Variants in FAM149A observed in about 807,000 individuals in gnomAD.
FAM149A encodes the protein family with sequence similarity 149 member A.
A neutral mutation model predicts 78.2 loss-of-function variants in FAM149A; 71 were observed. The observed-to-expected ratio is 0.91, with a 90% CI of 0.75 to 1.11. The LOEUF is 1.11. Among genes scored for constraint, FAM149A ranks in the 50% least tolerant of loss-of-function variants. FAM149A has a pLI of 0.00. For synonymous variants in FAM149A, 446 were observed against 410.5 expected (o/e 1.09, Z -1.04); for missense variants, 1,036 against 971.0 (o/e 1.07, Z -0.89).
chr4:186,167,309 T>G (rs1735128900), intron 13 of FAM149A, 47 bp downstream of exon 13: 4 of 1,505,174 alleles, frequency 2.7e-6, no homozygotes, highest in Non-Finnish European at 3.7e-6. Context: ...TAAGTGAGAT[T>G]TCAAGTTTCA....
At chr4:186,143,110 A>G (rs529880667) in intron 1 of FAM149A, among the ~76,000 whole-genome samples, 208 of 150,318 alleles carry the variant, frequency 1.4e-3, no homozygotes, top group Middle Eastern at 3.5e-3. Context: ...AGCAGCTAGC[A>G]TATGTTTGGA....
intron 1 of FAM149A, among the ~76,000 whole-genome samples, chr4:186,106,286 C>A (rs745592316): frequency 3.9e-5 from 6 of 152,100 alleles, no homozygotes; most frequent in African/African-American, 1.4e-4. Context: ...CACTGGGAAT[C>A]GGAGGCCGAT....
intron 1 of FAM149A, among the ~76,000 whole-genome samples, chr4:186,148,197 G>C (rs1000536238): frequency 1.3e-5 from 2 of 152,078 alleles, no homozygotes; most frequent in East Asian, 3.9e-4. Flanking sequence ...CGTGGTGGCA[G>C]GCGCCTGTAA....
intron 1 of FAM149A, among the ~76,000 whole-genome samples, chr4:186,145,445 C>CA (rs1417696640): frequency 3.3e-5 from 5 of 152,158 alleles, no homozygotes; most frequent in African/African-American, 1.2e-4. Context: ...GTTCAGAGTA[C>CA]AGTGCTTATG....
At chr4:186,140,567 A>G (rs4861701) in intron 1 of FAM149A, among the ~76,000 whole-genome samples, 136,389 of 151,690 alleles carry the variant, frequency 0.9, 61,505 homozygotes, top group African/African-American at 0.98. Context: ...CACTGTGCCC[A>G]GCCTATACCA....
At chr4:186,136,976 T>TCTCTCTTTCTCTCTTTCTCTCTC (rs2099323291) in intron 1 of FAM149A, among the ~76,000 whole-genome samples, 2 of 72,114 alleles carry the variant, frequency 2.8e-5, no homozygotes, top group African/African-American at 1.2e-4. Context: ...CTCTCTCTCT[T>TCTCTCTTTCTCTCTTTCTCTCTC]TCTCTCTCTC....
At chr4:186,132,018 A>C (rs2099320941) in intron 1 of FAM149A, 1 of 985,232 alleles carries the variant, frequency 1.0e-6, no homozygotes, top group African/African-American at 1.7e-5. Flanking sequence ...TAGCTTTCTT[A>C]TTATCTCCAT....
rs1732874779 is a variant in FAM149A, at chr4:186,144,841, G to A, written c.567-4332G>A. 1 of 982,332 alleles carries A rather than the reference G, an allele frequency of 1.0e-6. No homozygotes were observed. Among genetic ancestry groups the A allele is most frequent in the Non-Finnish European group, 1.2e-6 (1 of 828,690 alleles). 60.9% of individuals were successfully genotyped at this position (982,332 alleles called of 1,614,324 possible). On this transcript the variant is annotated intron_variant, in intron 1 of 13. Transcript: ENST00000389354. The surrounding 1 kb of genome is among the most constrained non-coding windows in gnomAD (Gnocchi z 4.2). ...GGGAGGCGGCGCCGGCGCGGGCGGG[G>A]CGGAGGATCTGGAGAGGGAAGGGGC...
In FAM149A at chr4:186,105,556, CG is replaced by C. The variant is rs1333219047; in HGVS notation, c.484del (p.Ala162LeufsTer42). On this transcript the variant is annotated frameshift_variant, in exon 1 of 14. Transcript: ENST00000389354. LOFTEE classifies it high-confidence loss of function. ...GAGAGCTCGGCGCCTGCGTGGCCCC[CG>C]GGGCTGGCCCCAGAACCCTGTTCCT... 1 of 1,130,998 alleles carries C rather than the reference CG, an allele frequency of 8.8e-7. No individual in the cohort carries two copies. The highest frequency in any genetic ancestry group is 1.1e-6 in the Non-Finnish European group (1 of 918,006). 70.1% of individuals were successfully genotyped at this position (1,130,998 alleles called of 1,614,324 possible). A position where few individuals can be genotyped will look rare whatever the true frequency, so the allele number is the denominator to read the frequency against.
At chr4:186,141,998 C>T (rs2099325990) in intron 1 of FAM149A, among the ~76,000 whole-genome samples, 1 of 152,120 alleles carries the variant, frequency 6.6e-6, no homozygotes, top group African/African-American at 2.4e-5. Flanking sequence ...TTTTGGACCC[C>T]CTTCCCCAGC....
rs1733049552 is a variant in FAM149A, at chr4:186,146,517, A to G, written c.567-2656A>G. 3 of 984,400 alleles carry G rather than the reference A, an allele frequency of 3.0e-6. No homozygotes were observed. The African/African-American group carries it at 5.2e-5, about 17-fold the overall frequency. The allele number at this position is 984,400 out of a possible 1,614,324, so 61.0% of individuals were successfully genotyped here. On this transcript the variant is annotated intron_variant, in intron 1 of 13. Coordinates refer to ENST00000389354, the MANE Select transcript of FAM149A (RefSeq NM_001367768.3). Reference sequence around the variant, plus strand: ...AAATAATTTTCTCCTTAATTTGAAAAGAGCTTCCACCCTTTCCCCTGAAAA... The same window carrying G: ...AAATAATTTTCTCCTTAATTTGAAAGGAGCTTCCACCCTTTCCCCTGAAAA...
intron 1 of FAM149A, among the ~76,000 whole-genome samples, chr4:186,145,392 CT>C (rs1230543119): frequency 2.0e-5 from 3 of 152,178 alleles, no homozygotes; most frequent in Non-Finnish European, 4.4e-5. Context: ...TGGAGTGCCC[CT>C]GTGTGTCCCC....
chr4:186,136,261 C>G (rs1192719473), intron 1 of FAM149A, among the ~76,000 whole-genome samples: 1 of 152,092 alleles, frequency 6.6e-6, no homozygotes, highest in African/African-American at 2.4e-5. Context: ...GTTTAATTAT[C>G]AGAATTTTTG....
intron 1 of FAM149A, among the ~76,000 whole-genome samples, chr4:186,131,405 A>T (rs1005522428): frequency 6.8e-6 from 1 of 147,582 alleles, no homozygotes; most frequent in Non-Finnish European, 1.5e-5. Flanking sequence ...ACACACAAAG[A>T]AGAAGGCATT....
intron 8 of FAM149A, chr4:186,160,694 CACACACACT>C (rs1057005646): frequency 1.6e-6 from 1 of 635,950 alleles, no homozygotes; most frequent in African/African-American, 2.0e-5. Context: ...TCACACATAC[CACACACACT>C]ACCACACACC....
At chr4:186,136,964 T>TTTCTCTCTCTC (rs2099323211) in intron 1 of FAM149A, among the ~76,000 whole-genome samples, 12 of 97,102 alleles carry the variant, frequency 1.2e-4, no homozygotes, top group African/African-American at 4.4e-4. Context: ...CTCTCTCTCT[T>TTTCTCTCTCTC]TCTCTCTCTC....
chr4:186,108,400 C>G (rs933930253), intron 1 of FAM149A, among the ~76,000 whole-genome samples: 10 of 146,874 alleles, frequency 6.8e-5, no homozygotes, highest in Non-Finnish European at 1.5e-4. Context: ...TTGCCTGATT[C>G]TGTACTTGGC....
chr4:186,163,188 T>C (rs560848333), intron 9 of FAM149A, among the ~76,000 whole-genome samples: 25 of 152,312 alleles, frequency 1.6e-4, no homozygotes, highest in African/African-American at 5.8e-4. Context: ...AAATTCTTAA[T>C]CTTGTGGGCT....
intron 1 of FAM149A, among the ~76,000 whole-genome samples, chr4:186,134,377 A>G (rs2126371808): frequency 6.6e-6 from 1 of 152,324 alleles, no homozygotes; most frequent in South Asian, 2.1e-4. Context: ...AAGCATGTTC[A>G]TGGCTGACTC....
Sources: gnomAD v4.1 joint callset for allele counts (sites outside exome capture counted in the v4.1 genomes callset) on GRCh38, gnomAD v4.1.1 for gene constraint, Gnocchi (gnomAD v3.1) non-coding constraint, MANE v1.5 for transcripts, NCBI Gene and HGNC (gene_info 2026-07-23, HGNC 2026-07-21) for gene names.